DCAF8L2: variants seen among roughly 807,000 people sequenced by gnomAD.
DCAF8L2 encodes DDB1- and CUL4-associated factor 8-like protein 2.
For missense variants in DCAF8L2, 430 were observed against 490.7 expected (o/e 0.88, Z 1.17); for synonymous variants, 200 against 190.9 (o/e 1.05, Z -0.39).
At chrX:27,691,385 G>A (rs1930707303) in intron 3 of DCAF8L2, among the ~76,000 whole-genome samples, 1 of 111,209 alleles carries the variant, frequency 9.0e-6, no homozygotes, top group South Asian at 3.7e-4. Flanking sequence ...ATAAAAAATA[G>A]ACATAATTGC....
chrX:27,608,009 T>C (rs1309690039), intron 1 of DCAF8L2, among the ~76,000 whole-genome samples: 2 of 111,875 alleles, frequency 1.8e-5, no homozygotes, highest in East Asian at 5.6e-4. Context: ...ATAATATGAC[T>C]AAGAAGTTAT....
intron 2 of DCAF8L2, among the ~76,000 whole-genome samples, chrX:27,639,907 C>T (rs1395686228): frequency 9.0e-6 from 1 of 111,067 alleles, no homozygotes; most frequent in Non-Finnish European, 1.9e-5. Context: ...AGGCGTTGTA[C>T]TATTTATCAC....
rs1928307094 is a variant in DCAF8L2 at position 27,631,981 on chromosome X, C to T, written c.-239C>T. 9.0e-6 allele frequency: 1 copy of T among 110,607 alleles called. No individual in the cohort carries two copies. Among genetic ancestry groups the T allele is most frequent in the African/African-American group, 3.3e-5 (1 of 30,305 alleles). 9.1% of individuals were successfully genotyped at this position (110,607 alleles called of 1,213,427 possible). ...ATCCTAGTTGGTTCCTGTGACAGACCTTGGGAAGCTCAATCTCAGGTAAAG... is the reference window on the plus strand; with the variant it reads ...ATCCTAGTTGGTTCCTGTGACAGACTTTGGGAAGCTCAATCTCAGGTAAAG... On this transcript the variant is annotated 5_prime_UTR_variant, in exon 2 of 5. Transcript: ENST00000451261.
At chrX:27,659,270 A>C (rs1929467887) in intron 2 of DCAF8L2, among the ~76,000 whole-genome samples, 1 of 112,234 alleles carries the variant, frequency 8.9e-6, no homozygotes, top group African/African-American at 3.2e-5. Flanking sequence ...CATGAAACTC[A>C]TGTATTCAAT....
At chrX:27,537,068 G>A in the DCAF8L2 span, among the ~76,000 whole-genome samples, 1 of 111,825 alleles carries the variant, frequency 8.9e-6, no homozygotes, top group Non-Finnish European at 1.9e-5. Context: ...TCTGTAAATG[G>A]AATCAATGTG....
chrX:27,520,401 A>G, the DCAF8L2 span, among the ~76,000 whole-genome samples: 1 of 112,121 alleles, frequency 8.9e-6, no homozygotes, highest in African/African-American at 3.2e-5. Context: ...TGAAAGTTTC[A>G]TAACCTTAAT....
intron 2 of DCAF8L2, among the ~76,000 whole-genome samples, chrX:27,635,658 T>TA (rs1331851248): frequency 1.8e-4 from 20 of 111,925 alleles, no homozygotes; most frequent in African/African-American, 6.2e-4. Flanking sequence ...GTTTAACACT[T>TA]ACAAGAAAAA....
At chrX:27,555,678 G>A in the DCAF8L2 span, among the ~76,000 whole-genome samples, 1 of 111,974 alleles carries the variant, frequency 8.9e-6, no homozygotes, top group South Asian at 3.8e-4. Context: ...TGAATACAAT[G>A]TTAAACTTTC....
intron 3 of DCAF8L2, among the ~76,000 whole-genome samples, chrX:27,697,939 C>CAT (rs1232407409): frequency 8.1e-5 from 9 of 110,581 alleles, no homozygotes; most frequent in African/African-American, 2.6e-4. Flanking sequence ...CATAAGTATA[C>CAT]GTGTATATAA....
intron 2 of DCAF8L2, among the ~76,000 whole-genome samples, chrX:27,653,761 C>CACACACAA (rs1216615987): frequency 2.4e-4 from 26 of 107,202 alleles, no homozygotes; most frequent in East Asian, 1.2e-3. Flanking sequence ...CACACACACA[C>CACACACAA]AACATATATT....
the DCAF8L2 span, among the ~76,000 whole-genome samples, chrX:27,546,525 CCAG>C: frequency 8.9e-6 from 1 of 112,202 alleles, no homozygotes; most frequent in South Asian, 3.7e-4. Context: ...TTGTGCTGCC[CCAG>C]CAGAAGTTCT....
At chrX:27,514,685 A>ACAAC in the DCAF8L2 span, among the ~76,000 whole-genome samples, 3 of 65,351 alleles carry the variant, frequency 4.6e-5, no homozygotes, top group African/African-American at 1.6e-4. Context: ...AAAAAAAAAA[A>ACAAC]AAAAAAAAAA....
chrX:27,559,214 G>A, the DCAF8L2 span, among the ~76,000 whole-genome samples: 114 of 111,455 alleles, frequency 1.0e-3, no homozygotes, highest in Middle Eastern at 4.6e-3. Context: ...TGCGAAAAGG[G>A]ACTAATACAG....
upstream of DCAF8L2, among the ~76,000 whole-genome samples, chrX:27,588,139 A>G (rs1436170809): frequency 9.3e-6 from 1 of 108,087 alleles, no homozygotes; most frequent in Non-Finnish European, 1.9e-5. Flanking sequence ...ATAGTCCTCA[A>G]TAATTAGTTT....
intron 1 of DCAF8L2, among the ~76,000 whole-genome samples, chrX:27,631,015 C>T (rs1439403643): frequency 9.0e-6 from 1 of 111,668 alleles, no homozygotes; most frequent in Admixed American, 9.6e-5. Context: ...TAGGTTCCAA[C>T]ATATGAAATT....
intron 3 of DCAF8L2, among the ~76,000 whole-genome samples, chrX:27,690,198 A>G (rs915423522): frequency 9.0e-6 from 1 of 111,517 alleles, no homozygotes; most frequent in African/African-American, 3.3e-5. Flanking sequence ...TTTACCACAT[A>G]CATTATTTTT....
At chrX:27,696,853 A>G (rs898961242) in intron 3 of DCAF8L2, among the ~76,000 whole-genome samples, 2 of 111,594 alleles carry the variant, frequency 1.8e-5, no homozygotes, top group Admixed American at 1.9e-4. Context: ...GGCAGTGAAG[A>G]CACTTAGAGG....
intron 1 of DCAF8L2, among the ~76,000 whole-genome samples, chrX:27,606,377 A>C (rs1173955652): frequency 1.3e-5 from 1 of 79,926 alleles, no homozygotes; most frequent in Non-Finnish European, 2.3e-5. Flanking sequence ...ATATATATAT[A>C]TATATTCTTT....
the DCAF8L2 span, among the ~76,000 whole-genome samples, chrX:27,580,181 G>C: frequency 9.0e-6 from 1 of 110,707 alleles, no homozygotes; most frequent in Admixed American, 9.7e-5. Context: ...ATTAATTATG[G>C]CTTGTTAGAT....
Sources: gnomAD v4.1 joint callset for allele counts (sites outside exome capture counted in the v4.1 genomes callset) on GRCh38, gnomAD v4.1.1 for gene constraint, MANE v1.5 for transcripts, NCBI Gene and HGNC (gene_info 2026-07-23, HGNC 2026-07-21) for gene names.